SENP1: variants seen among roughly 807,000 people sequenced by gnomAD.
SENP1 encodes SUMO specific peptidase 1.
In SENP1, 21 loss-of-function variants were observed where a neutral mutation model predicts 93.0. The ratio of observed to expected loss-of-function variants is 0.23; its 90% CI spans 0.16 to 0.33. The LOEUF (loss-of-function observed/expected upper bound fraction) is 0.33, where lower values mean the gene tolerates loss of function less well. Among genes scored for constraint, SENP1 ranks in the 10% least tolerant of loss-of-function variants. The probability of loss-of-function intolerance (pLI) is 1.00; values close to 1 mark genes in which losing one functional copy is unlikely to be tolerated. For missense variants in SENP1, 591 were observed against 758.7 expected, an observed-to-expected ratio of 0.78 and a Z score of 2.60; for synonymous variants, 256 against 259.6, an observed-to-expected ratio of 0.99 and a Z score of 0.13.
intron 13 of SENP1, among the ~76,000 whole-genome samples, chr12:48,061,097 T>A (rs1942930325): frequency 6.6e-6 from 1 of 152,214 alleles, no homozygotes; most frequent in African/African-American, 2.4e-5. Context: ...TTTCCATACA[T>A]ATCCCAAACA....
intron 1 of SENP1, among the ~76,000 whole-genome samples, chr12:48,102,275 TACA>T (rs1329642606): frequency 6.6e-6 from 1 of 151,728 alleles, no homozygotes; most frequent in Non-Finnish European, 1.5e-5. Context: ...CTACTAAAAA[TACA>T]ACAATTAGCC....
chr12:48,066,320 T>G (rs1943290265), intron 10 of SENP1, among the ~76,000 whole-genome samples: 1 of 152,128 alleles, frequency 6.6e-6, no homozygotes, highest in South Asian at 2.1e-4. Flanking sequence ...GAAATATGAA[T>G]TATTCAATAA....
At position 48,074,376 on chromosome 12, in the gene SENP1, G is replaced by A. The variant is rs35902603; in HGVS notation, c.888C>T (p.His296=). The A allele has an allele frequency of 1.1e-3, 1,696 of 1,613,906 alleles. 16 individuals are homozygous for A. The African/African-American group carries it at 0.015, about 15-fold the overall frequency. Residue 296 remains histidine (H), a synonymous_variant, in exon 8 of 18, where the codon CAC becomes CAT. Transcript: ENST00000549518. ...AGTTATCTGGCTGATGTGGAACAGA[G>A]TGGTGATGATGGGGATGATGAAGAG... ...SGTLHHPHHH[H]SVPHQPDNLA...
intron 6 of SENP1, among the ~76,000 whole-genome samples, chr12:48,079,792 T>C (rs1944384511): frequency 6.6e-6 from 1 of 152,192 alleles, no homozygotes; most frequent in African/African-American, 2.4e-5. Flanking sequence ...AACTGTTTTT[T>C]TATAAATTAC....
chr12:48,089,724 T>C (rs3782910), intron 4 of SENP1, among the ~76,000 whole-genome samples: 25,337 of 152,214 alleles, frequency 0.17, 2,436 homozygotes, highest in East Asian at 0.28. Context: ...ATCTGCAGAA[T>C]TGGACAATTT....
At chr12:48,084,109 T>C (rs909673738) in intron 5 of SENP1, among the ~76,000 whole-genome samples, 2 of 152,242 alleles carry the variant, frequency 1.3e-5, no homozygotes, top group African/African-American at 4.8e-5. Context: ...CCAGGTATGC[T>C]AACAACACAT....
At chr12:48,066,285 G>A (rs1036062741) in intron 10 of SENP1, among the ~76,000 whole-genome samples, 1 of 151,962 alleles carries the variant, frequency 6.6e-6, no homozygotes, top group Non-Finnish European at 1.5e-5. Context: ...GAGACTAAAT[G>A]CTTTCAGTGA....
At chr12:48,069,610 A>G (rs1943543529) in intron 9 of SENP1, among the ~76,000 whole-genome samples, 1 of 152,224 alleles carries the variant, frequency 6.6e-6, no homozygotes, top group East Asian at 1.9e-4. Flanking sequence ...TTTCATGTGA[A>G]GCACTTATAA....
chr12:48,050,266 C>T (rs924036175), intron 13 of SENP1, among the ~76,000 whole-genome samples: 14 of 152,220 alleles, frequency 9.2e-5, no homozygotes, highest in Admixed American at 3.9e-4. Context: ...CAAATATTTA[C>T]ACACCAGGAT....
chr12:48,085,545 A>G (rs755250585), intron 5 of SENP1: 8 of 478,394 alleles, frequency 1.7e-5, no homozygotes, highest in Non-Finnish European at 3.0e-5. Context: ...GCCCCTTCCC[A>G]CTCCATTAAG....
chr12:48,076,893 C>T (rs1213799392), intron 6 of SENP1, among the ~76,000 whole-genome samples: 1 of 152,152 alleles, frequency 6.6e-6, no homozygotes, highest in Non-Finnish European at 1.5e-5. Flanking sequence ...GATCTGCCTG[C>T]CTCGGCCTCC....
chr12:48,055,147 C>A lies in SENP1; in HGVS notation c.1408-6015G>T, dbSNP rs540926825. The A allele has an allele frequency of 4.3e-5, 11 of 256,654 alleles. No individual in the cohort carries two copies. In the South Asian group the frequency reaches 6.4e-4, roughly 15 times the overall value. 15.9% of individuals were successfully genotyped at this position (256,654 alleles called of 1,614,324 possible). A position where few individuals can be genotyped will look rare whatever the true frequency, so the allele number is the denominator to read the frequency against. On this transcript the variant is annotated intron_variant, in intron 13 of 17. Coordinates refer to ENST00000549518, the MANE Select transcript of SENP1 (RefSeq NM_001267594.2). ...CTTTCTCTTGCGCTTGGCAGGGGAGCCACATTTGCCACAGGTTGACTTCTG... is the reference window on the plus strand; with the variant it reads ...CTTTCTCTTGCGCTTGGCAGGGGAGACACATTTGCCACAGGTTGACTTCTG...
At position 48,074,325 on chromosome 12, in the gene SENP1, T is replaced by G. The variant is rs1289423954; in HGVS notation, c.939A>C (p.Glu313Asp). Reference protein sequence around the residue: ...DNLAASNTQSEGSDSVILLKV... With the variant: ...DNLAASNTQSDGSDSVILLKV... ...GTAGTTATATGATACCATGTTTACCTTCAGATTGTGTATTTGAAGCTGCTA... is the reference window on the plus strand; with the variant it reads ...GTAGTTATATGATACCATGTTTACCGTCAGATTGTGTATTTGAAGCTGCTA... The change falls in exon 8 of 18, where the codon GAA (glutamate) becomes GAC (aspartate). Residue 313 changes from glutamate (E) to aspartate (D), a missense_variant and splice_region_variant. By Grantham distance (45) the Glu-to-Asp change is conservative (BLOSUM62 2). Transcript: ENST00000549518. The G allele has an allele frequency of 3.1e-6, 5 of 1,609,928 alleles. No homozygotes were observed. In the South Asian group the frequency reaches 5.5e-5, roughly 18 times the overall value.
intron 6 of SENP1, among the ~76,000 whole-genome samples, chr12:48,079,728 A>G (rs1459290039): frequency 6.7e-6 from 1 of 150,272 alleles, no homozygotes; most frequent in Non-Finnish European, 1.5e-5. Context: ...TAAAAGAACT[A>G]TAAAATTATA....
chr12:48,070,184 C>A (rs1943586978), intron 9 of SENP1, among the ~76,000 whole-genome samples: 1 of 152,152 alleles, frequency 6.6e-6, no homozygotes, highest in Non-Finnish European at 1.5e-5. Context: ...GCAAAAAGAA[C>A]ACTGAATGTG....
chr12:48,091,747 T>A (rs56129148), intron 4 of SENP1, among the ~76,000 whole-genome samples: 1 of 152,004 alleles, frequency 6.6e-6, no homozygotes, highest in South Asian at 2.1e-4. Flanking sequence ...GGCACCATCA[T>A]GGCTCACTGC....
At chr12:48,077,653 T>C (rs1475780019) in intron 6 of SENP1, among the ~76,000 whole-genome samples, 1 of 152,184 alleles carries the variant, frequency 6.6e-6, no homozygotes, top group Non-Finnish European at 1.5e-5. Context: ...TACATATGTA[T>C]ACATGTGCCA....
chr12:48,080,194 C>T (rs1944407063), intron 6 of SENP1: 1 of 152,158 alleles, frequency 6.6e-6, no homozygotes, highest in Non-Finnish European at 1.5e-5. Flanking sequence ...TATATTTGCC[C>T]TGTCCAATAT....
intron 9 of SENP1, among the ~76,000 whole-genome samples, chr12:48,069,968 AG>A (rs1337022109): frequency 6.6e-6 from 1 of 152,242 alleles, no homozygotes; most frequent in African/African-American, 2.4e-5. Flanking sequence ...TTCTCATCCT[AG>A]CAATTGAATT....
Sources: allele counts gnomAD v4.1 joint callset (sites outside exome capture counted in the v4.1 genomes callset), GRCh38; gene constraint gnomAD v4.1.1; transcripts MANE v1.5; gene names NCBI Gene and HGNC (gene_info 2026-07-23, HGNC 2026-07-21).